Variants in RAPGEF1 observed in about 807,000 individuals in gnomAD.
RAPGEF1 encodes Rap guanine nucleotide exchange factor 1.
Under a neutral mutation model 143.3 loss-of-function variants are expected in RAPGEF1, and 33 were observed. That is an observed-to-expected ratio of 0.23 (90% confidence interval 0.17 to 0.31). The LOEUF (loss-of-function observed/expected upper bound fraction) is 0.31. RAPGEF1 is among the 10% of genes least tolerant of loss of function. The probability of loss-of-function intolerance (pLI) is 1.00; values close to 1 mark genes in which losing one functional copy is unlikely to be tolerated. For synonymous variants in RAPGEF1, 629 were observed against 676.5 expected, an observed-to-expected ratio of 0.93 and a Z score of 1.09; for missense variants, 1,199 against 1,645.4, an observed-to-expected ratio of 0.73 and a Z score of 4.69.
At chr9:131,626,930 G>A (rs11243456) in intron 9 of RAPGEF1, among the ~76,000 whole-genome samples, 14,913 of 152,150 alleles carry the variant, frequency 0.098, 1,108 homozygotes, top group African/African-American at 0.2. Flanking sequence ...GCAAAACCCC[G>A]TCTCTACTAA....
rs1431417239 is a variant in RAPGEF1 at position 131,737,893 on chromosome 9, AG to A, written c.61+1876del. ...GGCAGGAGAATGGCGTGAACCCAGG[AG>A]GAGGCGGAGCTTGCAGTGAGCCGAG... On this transcript the variant is annotated intron_variant, in intron 1 of 26. Coordinates refer to ENST00000683357, the MANE Select transcript of RAPGEF1 (RefSeq NM_001377935.1). Among the ~76,000 whole-genome samples, 3 of 1,984 alleles carry A rather than the reference AG, an allele frequency of 1.5e-3. No homozygotes were observed. In the African/African-American group the frequency reaches 0.024, roughly 16 times the overall value. 1.3% of individuals were successfully genotyped at this position (1,984 alleles called of 152,430 possible).
At chr9:131,643,828 T>C (rs1346885858) in intron 3 of RAPGEF1, among the ~76,000 whole-genome samples, 1 of 152,126 alleles carries the variant, frequency 6.6e-6, no homozygotes. Context: ...ATCAAGAAGC[T>C]CCAGGCTTTT....
chr9:131,720,769 T>C (rs971079301), intron 1 of RAPGEF1, among the ~76,000 whole-genome samples: 1 of 151,844 alleles, frequency 6.6e-6, no homozygotes, highest in African/African-American at 2.4e-5. Flanking sequence ...AAAAATCCTA[T>C]GCCTGTATCT....
intron 1 of RAPGEF1, among the ~76,000 whole-genome samples, chr9:131,689,103 T>C (rs1833587929): frequency 6.6e-6 from 1 of 152,202 alleles, no homozygotes; most frequent in African/African-American, 2.4e-5. Context: ...AACAACTGCT[T>C]AGGGTGATGG....
At chr9:131,642,946 G>T (rs1459206766) in intron 4 of RAPGEF1, among the ~76,000 whole-genome samples, 1 of 152,182 alleles carries the variant, frequency 6.6e-6, no homozygotes, top group Non-Finnish European at 1.5e-5. Flanking sequence ...CTCCATGTCC[G>T]GGAGGCGTCC....
At position 131,604,908 on chromosome 9, in the gene RAPGEF1, G is replaced by C. The variant is rs938722584; in HGVS notation, c.2319+23C>G. On this transcript the variant is annotated intron_variant, in intron 13 of 26. Coordinates refer to ENST00000683357, the MANE Select transcript of RAPGEF1 (RefSeq NM_001377935.1). The stretch of plus-strand genomic sequence containing the variant: ...GGGGTGTGTGTGTGTGTGTGTGTGT[G>C]TGTGTGCACGCTGAGTTCTCACCGA... 4.7e-6 allele frequency: 6 copies of C among 1,289,424 alleles called. No homozygotes were observed. The Admixed American group carries it at 1.4e-4, about 30-fold the overall frequency. The allele number at this position is 1,289,424 out of a possible 1,614,324, so 79.9% of individuals were successfully genotyped here.
chr9:131,659,380 G>A (rs1205268176), intron 1 of RAPGEF1, among the ~76,000 whole-genome samples: 1 of 152,050 alleles, frequency 6.6e-6, no homozygotes, highest in South Asian at 2.1e-4. Context: ...TTACGAGACT[G>A]GCTAATTTTT....
chr9:131,692,602 C>T (rs1343013861), intron 1 of RAPGEF1, among the ~76,000 whole-genome samples: 2 of 152,234 alleles, frequency 1.3e-5, no homozygotes, highest in Non-Finnish European at 2.9e-5. Flanking sequence ...CCAGGACAAG[C>T]TGACAACTTC....
rs1952433636 is a variant in RAPGEF1, at chr9:131,584,716, TG to T, written c.3234-121del. 2.3e-5 allele frequency: 20 copies of T among 863,982 alleles called. No individual in the cohort carries two copies. Among genetic ancestry groups the T allele is most frequent in the Non-Finnish European group, 3.6e-5 (19 of 530,872 alleles). The allele number at this position is 863,982 out of a possible 1,614,324, so 53.5% of individuals were successfully genotyped here. ...CCAGTGGCCACGAGCCCACCCCTAC[TG>T]AATACCTGCAGCCTGCCCCAGGCAT... On this transcript the variant is annotated intron_variant, in intron 22 of 26. Transcript: ENST00000683357. This position sits in a 1 kb window ranked among gnomAD's most constrained non-coding sequence, Gnocchi z 6.8.
At chr9:131,591,945 A>C in intron 18 of RAPGEF1, 154 bp downstream of exon 18, 3 of 535,700 alleles carry the variant, frequency 5.6e-6, no homozygotes, top group Middle Eastern at 5.3e-4. Context: ...AGAGGTGGGA[A>C]CCTCGGTCCA....
intron 1 of RAPGEF1, chr9:131,709,750 G>C (rs558127233): frequency 3.1e-6 from 5 of 1,609,790 alleles, no homozygotes; most frequent in African/African-American, 1.3e-5. Context: ...ACTGAGGACC[G>C]AGTCACTGGC....
chr9:131,730,852 C>A (rs970510484), intron 1 of RAPGEF1, among the ~76,000 whole-genome samples: 1 of 152,098 alleles, frequency 6.6e-6, no homozygotes, highest in Non-Finnish European at 1.5e-5. Context: ...GCTTCCGCAG[C>A]CCCCTGTGAG....
rs559343425 is a variant in RAPGEF1, at chr9:131,578,226, C to A, written c.*1271G>T. ...CACAGGGCAGATTCTGTTTGTCAAG[C>A]GCCCCACAAGCCTTGCCCAGATTGT... On this transcript the variant is annotated 3_prime_UTR_variant, in exon 27 of 27. Coordinates refer to ENST00000683357, the MANE Select transcript of RAPGEF1 (RefSeq NM_001377935.1). 1 of 152,420 alleles carries A rather than the reference C, an allele frequency of 6.6e-6. No individual in the cohort carries two copies. Among genetic ancestry groups the A allele is most frequent in the Admixed American group, 6.5e-5 (1 of 15,310 alleles). The allele number at this position is 152,420 out of a possible 1,614,324, so 9.4% of individuals were successfully genotyped here.
intron 4 of RAPGEF1, among the ~76,000 whole-genome samples, chr9:131,640,182 T>C (rs1967474393): frequency 6.6e-6 from 1 of 152,256 alleles, no homozygotes; most frequent in Non-Finnish European, 1.5e-5. Context: ...GGACCAGAGC[T>C]GATCTGATCC....
At chr9:131,630,388 C>A (rs1964519061) in intron 5 of RAPGEF1, 64 bp from the exon 6 acceptor site, 3 of 1,516,156 alleles carry the variant, frequency 2.0e-6, no homozygotes, top group African/African-American at 1.4e-5. Context: ...CACCAGAAGG[C>A]AGGCAGGTGC....
intron 1 of RAPGEF1, among the ~76,000 whole-genome samples, chr9:131,717,056 G>A (rs559769359): frequency 1.3e-5 from 2 of 152,030 alleles, no homozygotes; most frequent in Admixed American, 6.5e-5. Flanking sequence ...CCACAGCCTC[G>A]GGTCCCACAG....
chr9:131,736,255 C>T (rs1296025197), intron 1 of RAPGEF1, among the ~76,000 whole-genome samples: 3 of 152,170 alleles, frequency 2.0e-5, no homozygotes, highest in East Asian at 3.8e-4. Flanking sequence ...TCTTCTACTC[C>T]CTACCTCCTC....
chr9:131,579,298 C>A lies in RAPGEF1; in HGVS notation c.*199G>T, dbSNP rs904157917. 1 of 675,238 alleles carries A rather than the reference C, an allele frequency of 1.5e-6. No homozygotes were observed. Among genetic ancestry groups the A allele is most frequent in the Non-Finnish European group, 2.5e-6 (1 of 406,252 alleles). The allele number at this position is 675,238 out of a possible 1,614,324, so 41.8% of individuals were successfully genotyped here. A position where few individuals can be genotyped will look rare whatever the true frequency, so the allele number is the denominator to read the frequency against. On this transcript the variant is annotated 3_prime_UTR_variant, in exon 27 of 27. Coordinates refer to ENST00000683357, the MANE Select transcript of RAPGEF1 (RefSeq NM_001377935.1). The stretch of plus-strand genomic sequence containing the variant: ...TGCCTGCTGGCTGCCCTGAGGCCCA[C>A]GGGTCTGCTCCCACAGAGGAAGGAG...
At chr9:131,653,785 G>A (rs1971715010) in intron 1 of RAPGEF1, among the ~76,000 whole-genome samples, 1 of 152,170 alleles carries the variant, frequency 6.6e-6, no homozygotes, top group Non-Finnish European at 1.5e-5. Flanking sequence ...ATTTGCAAGA[G>A]AAATGAAAGC....
Sources: allele counts gnomAD v4.1 joint callset (sites outside exome capture counted in the v4.1 genomes callset), GRCh38; gene constraint gnomAD v4.1.1; non-coding constraint Gnocchi (gnomAD v3.1); transcripts MANE v1.5; gene names NCBI Gene and HGNC (gene_info 2026-07-23, HGNC 2026-07-21).